RANBP2: variants seen among roughly 807,000 people sequenced by gnomAD.
RANBP2 encodes the protein E3 SUMO-protein ligase RanBP2.
RANBP2 carries 57 observed loss-of-function variants against 303.6 expected under a neutral mutation model. The observed-to-expected ratio is 0.19, with a 90% CI of 0.15 to 0.23. The LOEUF is 0.23. Ranked by LOEUF, RANBP2 falls within the 10% of genes least tolerant of loss-of-function variation. RANBP2 has a pLI of 1.00. For missense variants in RANBP2, 3,138 were observed against 3,780.8 expected (o/e 0.83, Z 4.46); for synonymous variants, 1,167 against 1,301.5 (o/e 0.90, Z 2.23).
the RANBP2 span, among the ~76,000 whole-genome samples, chr2:109,184,396 A>T: frequency 6.6e-6 from 1 of 152,208 alleles, no homozygotes; most frequent in Non-Finnish European, 1.5e-5. Context: ...GCAGCTTTTC[A>T]GGTGATGAAA....
chr2:109,723,314 C>T, the RANBP2 span, among the ~76,000 whole-genome samples: 1 of 152,054 alleles, frequency 6.6e-6, no homozygotes, highest in Non-Finnish European at 1.5e-5. Context: ...ACACGCCCGG[C>T]TAATTTTTGT....
the RANBP2 span, among the ~76,000 whole-genome samples, chr2:109,216,202 A>G: frequency 6.6e-6 from 1 of 152,192 alleles, no homozygotes; most frequent in South Asian, 2.1e-4. Context: ...GCACCTGCCC[A>G]TCATTGCATC....
chr2:109,416,292 A>C, the RANBP2 span, among the ~76,000 whole-genome samples: 2 of 152,018 alleles, frequency 1.3e-5, no homozygotes, highest in African/African-American at 4.8e-5. Flanking sequence ...GGGCTGCTGC[A>C]TGCTTAGAAT....
the RANBP2 span, chr2:108,794,649 C>CA: frequency 6.2e-7 from 1 of 1,614,066 alleles, no homozygotes; most frequent in Middle Eastern, 1.6e-4. Context: ...AAGCATCAGA[C>CA]AAGCGGAGTT....
At chr2:109,572,335 G>A in the RANBP2 span, among the ~76,000 whole-genome samples, 21 of 152,056 alleles carry the variant, frequency 1.4e-4, no homozygotes, top group African/African-American at 1.2e-4. Context: ...GGGTTTCACC[G>A]TGTTAGCCAG....
chr2:109,625,480 C>A, the RANBP2 span, among the ~76,000 whole-genome samples: 4 of 144,206 alleles, frequency 2.8e-5, no homozygotes, highest in African/African-American at 1.0e-4. Context: ...TGGTGAAACC[C>A]CGTCTCTACT....
At chr2:109,025,495 G>T in the RANBP2 span, among the ~76,000 whole-genome samples, 1 of 152,100 alleles carries the variant, frequency 6.6e-6, no homozygotes, top group Admixed American at 6.5e-5. Context: ...ATATTTTCTG[G>T]AAAAAGTCCA....
chr2:109,008,646 T>C, the RANBP2 span, among the ~76,000 whole-genome samples: 1 of 151,186 alleles, frequency 6.6e-6, no homozygotes, highest in South Asian at 2.1e-4. Context: ...CTCACATCTG[T>C]AATCCCAGCA....
the RANBP2 span, among the ~76,000 whole-genome samples, chr2:109,132,548 C>G: frequency 3.0e-4 from 45 of 152,130 alleles, no homozygotes; most frequent in Non-Finnish European, 5.1e-4. Context: ...GATGCTGCCC[C>G]TGGAAATAAT....
At chr2:109,693,670 A>C in the RANBP2 span, among the ~76,000 whole-genome samples, 2 of 152,182 alleles carry the variant, frequency 1.3e-5, no homozygotes, top group Non-Finnish European at 2.9e-5. Flanking sequence ...TGGAAATGTG[A>C]GTTCATTAAA....
chr2:109,704,647 C>T, the RANBP2 span, among the ~76,000 whole-genome samples: 1 of 151,940 alleles, frequency 6.6e-6, no homozygotes, highest in East Asian at 1.9e-4. Flanking sequence ...GTCAGGAGTT[C>T]GAGAACAGCC....
chr2:109,392,747 C>A, the RANBP2 span, among the ~76,000 whole-genome samples: 3 of 152,008 alleles, frequency 2.0e-5, no homozygotes, highest in African/African-American at 4.8e-5. Flanking sequence ...GATCTCCTGA[C>A]CTTGTGATCC....
the RANBP2 span, among the ~76,000 whole-genome samples, chr2:109,442,602 A>G: frequency 6.6e-6 from 1 of 152,200 alleles, no homozygotes; most frequent in Admixed American, 6.5e-5. Flanking sequence ...GAGAAGTGGA[A>G]GTTTGGTATA....
chr2:109,207,454 A>G, the RANBP2 span, among the ~76,000 whole-genome samples: 1 of 152,214 alleles, frequency 6.6e-6, no homozygotes, highest in Non-Finnish European at 1.5e-5. Flanking sequence ...TTTGTGATGT[A>G]GGTAATTATA....
chr2:109,684,517 G>A, the RANBP2 span, among the ~76,000 whole-genome samples: 1 of 148,482 alleles, frequency 6.7e-6, no homozygotes, highest in East Asian at 2.0e-4. Flanking sequence ...GGGATTACAG[G>A]TGTGAGCCAC....
chr2:109,491,138 G>A, the RANBP2 span, among the ~76,000 whole-genome samples: 1 of 152,330 alleles, frequency 6.6e-6, no homozygotes, highest in African/African-American at 2.4e-5. Context: ...GTTATTTCAT[G>A]TTCTGCATCC....
At chr2:109,176,539 C>T in the RANBP2 span, among the ~76,000 whole-genome samples, 1 of 152,130 alleles carries the variant, frequency 6.6e-6, no homozygotes, top group African/African-American at 2.4e-5. Context: ...CAAGATCAGC[C>T]TTGGCAACAT....
At chr2:108,926,380 T>G in the RANBP2 span, among the ~76,000 whole-genome samples, 2 of 152,108 alleles carry the variant, frequency 1.3e-5, no homozygotes, top group African/African-American at 4.8e-5. Flanking sequence ...TCCCCTGGGA[T>G]CTGTTGTTTA....
At chr2:109,674,317 C>T in the RANBP2 span, among the ~76,000 whole-genome samples, 12 of 146,414 alleles carry the variant, frequency 8.2e-5, no homozygotes, top group African/African-American at 1.5e-4. Context: ...AATATACTAG[C>T]GGTCCCAGGT....
Sources: allele counts gnomAD v4.1 joint callset (sites outside exome capture counted in the v4.1 genomes callset), GRCh38; gene constraint gnomAD v4.1.1; transcripts MANE v1.5; gene names NCBI Gene and HGNC (gene_info 2026-07-23, HGNC 2026-07-21).